The following SPOCK1 variants were observed in gnomAD, a reference collection of about 807,000 sequenced individuals.
SPOCK1 encodes the protein testican-1.
In SPOCK1, 23 loss-of-function variants were observed where a neutral mutation model predicts 55.3. That is an observed-to-expected ratio of 0.42 (90% confidence interval 0.30 to 0.59). The LOEUF (loss-of-function observed/expected upper bound fraction) is 0.59, where lower values mean the gene tolerates loss of function less well. Among genes scored for constraint, SPOCK1 ranks in the 20% least tolerant of loss-of-function variants. The pLI is 0.22. For missense variants in SPOCK1, 499 were observed against 552.5 expected, an observed-to-expected ratio of 0.90 and a Z score of 0.97; for synonymous variants, 226 against 221.0, an observed-to-expected ratio of 1.02 and a Z score of -0.20.
chr5:137,251,890 A>T (rs1270054486), intron 3 of SPOCK1, among the ~76,000 whole-genome samples: 1 of 152,224 alleles, frequency 6.6e-6, no homozygotes, highest in Non-Finnish European at 1.5e-5. Flanking sequence ...ATACTCTGAC[A>T]TAATTAGGAT....
intron 2 of SPOCK1, among the ~76,000 whole-genome samples, chr5:137,399,074 T>C (rs1257113335): frequency 6.6e-6 from 1 of 152,206 alleles, no homozygotes; most frequent in Non-Finnish European, 1.5e-5. Context: ...ACCCAAAAGA[T>C]AGGCACTTCA....
At chr5:137,170,936 G>T (rs1754743252) in intron 3 of SPOCK1, among the ~76,000 whole-genome samples, 1 of 152,072 alleles carries the variant, frequency 6.6e-6, no homozygotes, top group African/African-American at 2.4e-5. Context: ...GCCTCCTGTG[G>T]GTGACTGCAA....
intron 3 of SPOCK1, among the ~76,000 whole-genome samples, chr5:137,175,348 G>A (rs761957688): frequency 2.0e-5 from 3 of 152,178 alleles, no homozygotes; most frequent in Non-Finnish European, 4.4e-5. Flanking sequence ...GAGTAAAATT[G>A]TGATATGATT....
chr5:137,080,535 G>A (rs903581066), intron 5 of SPOCK1, among the ~76,000 whole-genome samples: 4 of 152,046 alleles, frequency 2.6e-5, no homozygotes, highest in Admixed American at 1.3e-4. Flanking sequence ...TGTCCCTCCC[G>A]GATGTCTCTA....
intron 2 of SPOCK1, among the ~76,000 whole-genome samples, chr5:137,448,152 G>A (rs910779349): frequency 3.6e-4 from 55 of 152,210 alleles, no homozygotes; most frequent in African/African-American, 1.3e-3. Context: ...GGAGGCTAAA[G>A]CAGGAGAATC....
intron 3 of SPOCK1, among the ~76,000 whole-genome samples, chr5:137,261,691 C>G (rs1756745133): frequency 6.6e-6 from 1 of 152,202 alleles, no homozygotes; most frequent in South Asian, 2.1e-4. Context: ...TTAGTATTCA[C>G]TCCAGAATAA....
At chr5:137,358,388 GGAAA>G (rs1380466430) in intron 2 of SPOCK1, among the ~76,000 whole-genome samples, 1 of 77,704 alleles carries the variant, frequency 1.3e-5, no homozygotes, top group East Asian at 6.1e-4. Context: ...CCTTCATGAC[GGAAA>G]GGAAGGAAGG....
chr5:137,393,902 G>A (rs866275739), intron 2 of SPOCK1, among the ~76,000 whole-genome samples: 3 of 152,202 alleles, frequency 2.0e-5, no homozygotes, highest in African/African-American at 4.8e-5. Flanking sequence ...ATGGTAAAAA[G>A]TGGTTATCTC....
At chr5:137,065,905 T>C (rs997308687) in intron 6 of SPOCK1, among the ~76,000 whole-genome samples, 10 of 152,180 alleles carry the variant, frequency 6.6e-5, no homozygotes, top group African/African-American at 1.7e-4. Flanking sequence ...TCGTAAATAA[T>C]TGAACAAATA....
intron 2 of SPOCK1, among the ~76,000 whole-genome samples, chr5:137,489,693 G>A (rs538787304): frequency 2.5e-4 from 38 of 152,356 alleles, no homozygotes; most frequent in African/African-American, 7.9e-4. Context: ...GTGTTAAGTT[G>A]AAAATGTGTG....
intron 2 of SPOCK1, among the ~76,000 whole-genome samples, chr5:137,438,601 T>C (rs970065122): frequency 3.3e-5 from 5 of 152,140 alleles, no homozygotes; most frequent in African/African-American, 9.7e-5. Flanking sequence ...CTGTGTGCCT[T>C]TGTAAGAAAA....
chr5:137,211,256 T>A (rs1755608887), intron 3 of SPOCK1, among the ~76,000 whole-genome samples: 1 of 152,136 alleles, frequency 6.6e-6, no homozygotes, highest in Non-Finnish European at 1.5e-5. Flanking sequence ...GTCAAATAGA[T>A]CTCAGATTTC....
At chr5:137,331,308 G>A (rs1758175825) in intron 2 of SPOCK1, among the ~76,000 whole-genome samples, 1 of 152,156 alleles carries the variant, frequency 6.6e-6, no homozygotes, top group Non-Finnish European at 1.5e-5. Flanking sequence ...TCCAACTCCA[G>A]AGTCTTCTGA....
At chr5:136,990,004 G>A (rs749773837) in intron 7 of SPOCK1, among the ~76,000 whole-genome samples, 52 of 152,068 alleles carry the variant, frequency 3.4e-4, no homozygotes, top group South Asian at 8.3e-4. Flanking sequence ...TCTGCCTCCC[G>A]GGTTCGCACC....
intron 2 of SPOCK1, among the ~76,000 whole-genome samples, chr5:137,290,662 T>C (rs1024013845): frequency 6.6e-5 from 10 of 152,260 alleles, no homozygotes; most frequent in African/African-American, 2.4e-5. Context: ...TTCTGATGTC[T>C]TGATATGATT....
chr5:137,369,907 C>T (rs531591331), intron 2 of SPOCK1, among the ~76,000 whole-genome samples: 8 of 152,310 alleles, frequency 5.3e-5, no homozygotes, highest in South Asian at 2.1e-4. Flanking sequence ...TCTCCAAATA[C>T]CATCACACTG....
chr5:136,999,782 G>A (rs1751113977), intron 6 of SPOCK1, among the ~76,000 whole-genome samples: 1 of 152,160 alleles, frequency 6.6e-6, no homozygotes, highest in African/African-American at 2.4e-5. Flanking sequence ...GAGTGAGCGT[G>A]TCTCTGTTAG....
intron 3 of SPOCK1, among the ~76,000 whole-genome samples, chr5:137,232,337 C>T (rs1419270060): frequency 3.3e-5 from 5 of 152,096 alleles, no homozygotes; most frequent in Non-Finnish European, 5.9e-5. Flanking sequence ...CATTTAAGTT[C>T]ATGATGCATT....
intron 5 of SPOCK1, among the ~76,000 whole-genome samples, chr5:137,104,196 G>A (rs546880690): frequency 2.0e-4 from 30 of 152,274 alleles, no homozygotes; most frequent in Non-Finnish European, 3.5e-4. Flanking sequence ...TGCCATTTTC[G>A]TGATAAGAGT....
Sources: allele counts gnomAD v4.1 joint callset (sites outside exome capture counted in the v4.1 genomes callset), GRCh38; gene constraint gnomAD v4.1.1; transcripts MANE v1.5; gene names NCBI Gene and HGNC (gene_info 2026-07-23, HGNC 2026-07-21).